Variants in RTTN observed in about 807,000 individuals in gnomAD.
RTTN encodes the protein rotatin.
A neutral mutation model predicts 269.2 loss-of-function variants in RTTN; 182 were observed. The observed-to-expected ratio is 0.68, with a 90% CI of 0.60 to 0.76. RTTN has a LOEUF of 0.76. RTTN is among the 30% of genes least tolerant of loss of function. The pLI is 0.00. For synonymous variants in RTTN, 1,006 were observed against 963.5 expected (o/e 1.04, Z -0.82); for missense variants, 2,545 against 2,608.6 (o/e 0.98, Z 0.53).
chr18:70,054,436 A>AT, intron 37 of RTTN, 152 bp from the exon 38 acceptor site: 1 of 705,906 alleles, frequency 1.4e-6, no homozygotes, highest in Non-Finnish European at 2.3e-6. Context: ...ACAAAGCATT[A>AT]TTTTTCTCAT....
At chr18:70,090,362 A>G (rs962070678) in intron 30 of RTTN, among the ~76,000 whole-genome samples, 1 of 152,246 alleles carries the variant, frequency 6.6e-6, no homozygotes, top group Non-Finnish European at 1.5e-5. Flanking sequence ...ATTAACAATA[A>G]CTAAAAATAA....
At chr18:70,048,427 G>A (rs879061070) in intron 39 of RTTN, among the ~76,000 whole-genome samples, 2 of 152,182 alleles carry the variant, frequency 1.3e-5, no homozygotes, top group Admixed American at 1.3e-4. Flanking sequence ...CACATGAGTG[G>A]TCATGAACTG....
chr18:70,168,748 T>C, intron 12 of RTTN, 107 bp downstream of exon 12: 3 of 800,908 alleles, frequency 3.7e-6, no homozygotes, highest in Non-Finnish European at 4.0e-6. Context: ...GAATAATGTA[T>C]CCCACCTGTG....
At chr18:70,178,811 ATAAAT>A (rs2061359043) in intron 10 of RTTN, among the ~76,000 whole-genome samples, 1 of 152,262 alleles carries the variant, frequency 6.6e-6, no homozygotes, top group Admixed American at 6.5e-5. Flanking sequence ...TTAGGGCAAA[ATAAAT>A]TAGAGTAATT....
At chr18:70,184,863 C>T (rs142127252) in intron 10 of RTTN, among the ~76,000 whole-genome samples, 2,176 of 150,112 alleles carry the variant, frequency 0.014, 56 homozygotes, top group African/African-American at 0.05. Context: ...CCACTGCACT[C>T]CAGCCTGGGC....
At chr18:70,012,642 A>G (rs1296406033) in intron 46 of RTTN, among the ~76,000 whole-genome samples, 6 of 110,348 alleles carry the variant, frequency 5.4e-5, no homozygotes, top group African/African-American at 1.1e-4. Flanking sequence ...TAGTTACAGC[A>G]CAGTGTCTGC....
chr18:70,104,009 T>C (rs1467269597), intron 28 of RTTN, among the ~76,000 whole-genome samples: 2 of 152,150 alleles, frequency 1.3e-5, no homozygotes, highest in East Asian at 3.8e-4. Context: ...GCGTTCTCTG[T>C]ATTTCCTGAA....
chr18:70,142,370 CT>C lies in RTTN; in HGVS notation c.2498del (p.Lys833ArgfsTer15). 1.3e-6 allele frequency: 2 copies of C among 1,580,120 alleles called. No homozygotes were observed. The highest frequency in any genetic ancestry group is 2.2e-5 in the East Asian group (1 of 44,662). The part of the protein sequence containing the change: ...ELVIKLETVE[K>X]VYEIFTSDDV... ...CATCTGAGGTGAAGATTTCATATACCTTTTCAACAGTCTCCAACTACAAACC... is the reference window on the plus strand; with the variant it reads ...CATCTGAGGTGAAGATTTCATATACCTTTCAACAGTCTCCAACTACAAACC... On this transcript the variant is annotated frameshift_variant, in exon 19 of 49. Transcript: ENST00000640769. LOFTEE classifies it high-confidence loss of function.
rs764666689 is a variant in RTTN at position 70,176,698 on chromosome 18, G to T, written c.1453C>A (p.Gln485Lys). ...ACCTTTTCAACAGGGAGAAGCGTTT[G>T]TAGCAGTCGAACTGCAAACAGGGAA... ...SISLFAVRLL[Q>K]TLLPVEKASE... The change falls in exon 11 of 49, where the codon CAA (glutamine) becomes AAA (lysine). Residue 485 changes from glutamine (Q) to lysine (K), a missense_variant. Transcript: ENST00000640769. 4.3e-6 allele frequency: 7 copies of T among 1,613,692 alleles called. No individual in the cohort carries two copies. The African/African-American group carries it at 8.0e-5, about 18-fold the overall frequency.
chr18:70,033,045 T>C (rs192703207), intron 40 of RTTN, among the ~76,000 whole-genome samples: 18 of 152,362 alleles, frequency 1.2e-4, no homozygotes, highest in African/African-American at 3.8e-4. Context: ...AACTGGATCA[T>C]TGGGGTAGAT....
In RTTN at chr18:70,020,634, C is replaced by T; in HGVS notation, c.6134G>A (p.Cys2045Tyr). ...GCGTACCTTCTGAATTACTCCTTTACAGTCATGCGACAAGGCCAGGTTTGA... is the reference window on the plus strand; with the variant it reads ...GCGTACCTTCTGAATTACTCCTTTATAGTCATGCGACAAGGCCAGGTTTGA... The part of the protein sequence containing the change: ...LLSNLALSHD[C>Y]KGVIQKSNFL... Residue 2045 changes from cysteine to tyrosine, a missense_variant, in exon 45 of 49, where the codon TGT becomes TAT. Cys to Tyr is a radical substitution (Grantham distance 194). Transcript: ENST00000640769. 6.2e-7 allele frequency: 1 copy of T among 1,613,842 alleles called. No individual in the cohort carries two copies. Among genetic ancestry groups the T allele is most frequent in the African/African-American group, 1.3e-5 (1 of 75,016 alleles).
intron 35 of RTTN, among the ~76,000 whole-genome samples, chr18:70,061,782 T>C (rs1477437440): frequency 6.6e-6 from 1 of 152,260 alleles, no homozygotes; most frequent in African/African-American, 2.4e-5. Flanking sequence ...TGCAGTGAAC[T>C]ATGATCACAG....
chr18:70,044,838 C>A (rs571802697), intron 40 of RTTN, among the ~76,000 whole-genome samples: 2 of 152,278 alleles, frequency 1.3e-5, no homozygotes, highest in Admixed American at 6.5e-5. Flanking sequence ...CATATTTCAT[C>A]ATACTACTCA....
rs1382690394 is a variant in RTTN, at chr18:70,205,685, G to A, written c.-27C>T. The A allele has an allele frequency of 5.0e-6, 8 of 1,613,886 alleles. No individual in the cohort carries two copies. The highest frequency in any genetic ancestry group is 6.8e-6 in the Non-Finnish European group (8 of 1,179,932). Reference sequence around the variant, plus strand: ...TCGTCCCGTCAATCTGCAGCCGCCGGAGAATTAAACTGCCGCGCCACTGCG... The same window carrying A: ...TCGTCCCGTCAATCTGCAGCCGCCGAAGAATTAAACTGCCGCGCCACTGCG... On this transcript the variant is annotated 5_prime_UTR_variant, in exon 1 of 49. Coordinates refer to ENST00000640769, the MANE Select transcript of RTTN (RefSeq NM_173630.4).
intron 24 of RTTN, chr18:70,127,995 T>A (rs751810747): frequency 2.1e-6 from 1 of 471,636 alleles, no homozygotes; most frequent in South Asian, 2.7e-5. Flanking sequence ...GATTAGAATA[T>A]TAAGATATTC....
intron 40 of RTTN, among the ~76,000 whole-genome samples, chr18:70,033,261 T>G (rs2057072107): frequency 6.6e-6 from 1 of 152,226 alleles, no homozygotes; most frequent in South Asian, 2.1e-4. Context: ...GCACTATGCT[T>G]CCTTACAGCC....
At chr18:70,138,572 A>C (rs1231096550) in intron 21 of RTTN, 1 of 152,178 alleles carries the variant, frequency 6.6e-6, no homozygotes, top group East Asian at 1.9e-4. Flanking sequence ...AATTATTAAC[A>C]GGATTAAAGA....
At chr18:70,163,141 T>C (rs1012356200) in intron 14 of RTTN, among the ~76,000 whole-genome samples, 2 of 144,208 alleles carry the variant, frequency 1.4e-5, no homozygotes, top group African/African-American at 5.2e-5. Flanking sequence ...CCCAGCACTT[T>C]GGGAGGCCGA....
chr18:70,032,712 C>T (rs183985945), intron 40 of RTTN, among the ~76,000 whole-genome samples: 2 of 152,320 alleles, frequency 1.3e-5, no homozygotes, highest in African/African-American at 4.8e-5. Context: ...GAGATTTAGA[C>T]TCCCATAGGG....
Sources: allele counts gnomAD v4.1 joint callset (sites outside exome capture counted in the v4.1 genomes callset), GRCh38; gene constraint gnomAD v4.1.1; transcripts MANE v1.5; gene names NCBI Gene and HGNC (gene_info 2026-07-23, HGNC 2026-07-21).